The following PSMB3 variants were observed in gnomAD, a reference collection of about 807,000 sequenced individuals.
PSMB3 encodes the protein proteasome subunit beta type-3.
A neutral mutation model predicts 23.3 loss-of-function variants in PSMB3; 5 were observed. The observed-to-expected ratio is 0.21, with a 90% confidence interval of 0.11 to 0.45. PSMB3 has a LOEUF of 0.45. PSMB3 is among the 20% of genes least tolerant of loss of function. The probability of loss-of-function intolerance (pLI) is 0.99; values close to 1 mark genes in which losing one functional copy is unlikely to be tolerated. For missense variants in PSMB3, 192 were observed against 277.9 expected, an observed-to-expected ratio of 0.69 and a Z score of 2.20; for synonymous variants, 85 against 99.8, an observed-to-expected ratio of 0.85 and a Z score of 0.88.
At position 38,760,575 on chromosome 17, in the gene PSMB3, C is replaced by T. The variant is rs572205029; in HGVS notation, c.441C>T (p.Tyr147=). The change falls in exon 4 of 6, where the codon TAC becomes TAT. Residue 147 remains tyrosine (Y), a synonymous_variant. Coordinates refer to ENST00000619426, the MANE Select transcript of PSMB3 (RefSeq NM_002795.4). The part of the protein sequence containing the change: ...VVSGTCAEQM[Y]GMCESLWEPN... ...GTGGCACCTGCGCCGAACAAATGTA[C>T]GGAATGTGTGAGTCCCTCTGGGAGC... 2.1e-5 allele frequency: 34 copies of T among 1,614,226 alleles called. No homozygotes were observed. The highest frequency in any genetic ancestry group is 1.5e-4 in the Admixed American group (9 of 60,028).
At position 38,764,187 on chromosome 17, in the gene PSMB3, T is replaced by A. The variant is rs746045089; in HGVS notation, c.*20T>A. The A allele has an allele frequency of 2.5e-6, 4 of 1,607,010 alleles. No individual in the cohort carries two copies. In the South Asian group the frequency reaches 3.3e-5, roughly 13 times the overall value. ...GACTAACCCTGTTCCCAGAGCCCAC[T>A]TTTTTTTCTTTTTTTGAAATAAAAT... On this transcript the variant is annotated 3_prime_UTR_variant, in exon 6 of 6. Coordinates refer to ENST00000619426, the MANE Select transcript of PSMB3 (RefSeq NM_002795.4).
chr17:38,757,034 A>AT (rs35172699), intron 3 of PSMB3, among the ~76,000 whole-genome samples: 27,366 of 65,668 alleles, frequency 0.42, 8,630 homozygotes, highest in Middle Eastern at 0.54. Context: ...CACCTGGCTA[A>AT]TTTTTTTTTT....
At chr17:38,763,114 TG>T (rs1208703258) in intron 5 of PSMB3, among the ~76,000 whole-genome samples, 1 of 152,162 alleles carries the variant, frequency 6.6e-6, no homozygotes, top group Non-Finnish European at 1.5e-5. Context: ...CCCAGCACTT[TG>T]GGAGGCTGAG....
intron 1 of PSMB3, 141 bp from the exon 2 acceptor site, chr17:38,753,009 T>C: frequency 8.1e-7 from 1 of 1,240,182 alleles, no homozygotes; most frequent in Middle Eastern, 2.8e-4. Context: ...CACACAGTGC[T>C]CATCCCAGCT....
At chr17:38,758,342 TTTA>T (rs1204894972) in intron 3 of PSMB3, among the ~76,000 whole-genome samples, 1 of 151,894 alleles carries the variant, frequency 6.6e-6, no homozygotes, top group African/African-American at 2.4e-5. Flanking sequence ...TATTTTTTAT[TTTA>T]TTATTATTAT....
At chr17:38,757,544 T>A (rs536523693) in intron 3 of PSMB3, among the ~76,000 whole-genome samples, 1 of 151,596 alleles carries the variant, frequency 6.6e-6, no homozygotes, top group Admixed American at 6.6e-5. Flanking sequence ...AGGTCGGGCG[T>A]GGTGGCTCAT....
At chr17:38,762,222 T>G in intron 4 of PSMB3, 189 bp from the exon 5 acceptor site, 1 of 566,678 alleles carries the variant, frequency 1.8e-6, no homozygotes. Context: ...TCACTTTCCT[T>G]TACATAATTC....
chr17:38,753,476 TC>T, intron 2 of PSMB3, 142 bp downstream of exon 2: 1 of 812,266 alleles, frequency 1.2e-6, no homozygotes. Context: ...AACATGTCCT[TC>T]CCTTTCTTTT....
At position 38,752,945 on chromosome 17, in the gene PSMB3, C is replaced by T. The variant is rs1907998573; in HGVS notation, c.3+116C>T. ...TCGATGGAAGGAAGCGGTTTCAGTT[C>T]GAGGGGAGCGGGCCCCGGTGAGGAC... On this transcript the variant is annotated intron_variant, in intron 1 of 5. Coordinates refer to ENST00000619426, the MANE Select transcript of PSMB3 (RefSeq NM_002795.4). The surrounding 1 kb of genome is among the most constrained non-coding windows in gnomAD (Gnocchi z 5.5). 6.8e-7 allele frequency: 1 copy of T among 1,468,080 alleles called. No homozygotes were observed. The highest frequency in any genetic ancestry group is 1.4e-5 in the African/African-American group (1 of 71,620). 90.9% of individuals were successfully genotyped at this position (1,468,080 alleles called of 1,614,324 possible). A position where few individuals can be genotyped will look rare whatever the true frequency, so the allele number is the denominator to read the frequency against.
chr17:38,757,231 A>G (rs971707163), intron 3 of PSMB3, among the ~76,000 whole-genome samples: 4 of 150,742 alleles, frequency 2.7e-5, no homozygotes. Context: ...TGTATATTAA[A>G]TGGCTTGCTG....
Position 38,754,456 on chromosome 17 carries a change from C to T in PSMB3, c.188+1122C>T, listed in dbSNP as rs180780694. Among the ~76,000 whole-genome samples the T allele has an allele frequency of 1.2e-4, 19 of 152,118 alleles. 1 individual carries two copies. In the East Asian group the frequency reaches 2.9e-3, roughly 23 times the overall value. ...CTGCACTCTAGCCTGGGCAACAGAG[C>T]GAGACTCTGTCTCAAACAAAATAAA... On this transcript the variant is annotated intron_variant, in intron 2 of 5. Coordinates refer to ENST00000619426, the MANE Select transcript of PSMB3 (RefSeq NM_002795.4).
chr17:38,761,833 G>A (rs1908456127), intron 4 of PSMB3, among the ~76,000 whole-genome samples: 1 of 152,226 alleles, frequency 6.6e-6, no homozygotes, highest in Non-Finnish European at 1.5e-5. Context: ...GCCTGCAGGA[G>A]GCGCTGAGGT....
intron 2 of PSMB3, among the ~76,000 whole-genome samples, chr17:38,755,562 G>A (rs922680096): frequency 4.6e-5 from 7 of 151,002 alleles, no homozygotes; most frequent in Middle Eastern, 3.2e-3. Context: ...GGAGAATAGC[G>A]TGAACCCGGG....
chr17:38,758,826 C>T (rs1476552496), intron 3 of PSMB3, among the ~76,000 whole-genome samples: 1 of 152,174 alleles, frequency 6.6e-6, no homozygotes, highest in East Asian at 1.9e-4. Context: ...GTGGGTGGAT[C>T]ACAAGGTCAG....
chr17:38,762,599 G>A lies in PSMB3; in HGVS notation c.569+94G>A, dbSNP rs545352827. ...TACACCCCATTTTCCCAGCCCCCTG[G>A]TCAGGTGTGAGATAAGAAAGGTGCT... is the stretch of plus-strand genomic sequence containing the variant. On this transcript the variant is annotated intron_variant, in intron 5 of 5. Transcript: ENST00000619426. 771 of 1,242,630 alleles carry A rather than the reference G, an allele frequency of 6.2e-4. 2 individuals are homozygous for A. The highest frequency in any genetic ancestry group is 7.3e-4 in the Non-Finnish European group (628 of 857,330). The allele number at this position is 1,242,630 out of a possible 1,614,324, so 77.0% of individuals were successfully genotyped here. A position where few individuals can be genotyped will look rare whatever the true frequency, so the allele number is the denominator to read the frequency against.
chr17:38,755,489 C>CA (rs1359336087), intron 2 of PSMB3: 2 of 151,772 alleles, frequency 1.3e-5, no homozygotes, highest in Admixed American at 6.6e-5. Context: ...ACTAAAAATA[C>CA]AAAAAGTTAG....
chr17:38,759,047 A>G (rs1217583954), intron 3 of PSMB3, among the ~76,000 whole-genome samples: 1 of 152,038 alleles, frequency 6.6e-6, no homozygotes, highest in East Asian at 1.9e-4. Context: ...CTGTCTCAAA[A>G]AAAGAAAGAA....
At chr17:38,755,715 T>TGTGTGTGTGTGCGC (rs142685157) in intron 2 of PSMB3, among the ~76,000 whole-genome samples, 168 bp from the exon 3 acceptor site, 1 of 138,436 alleles carries the variant, frequency 7.2e-6, no homozygotes, top group Non-Finnish European at 1.5e-5. Context: ...TGTGTGTGTG[T>TGTGTGTGTGTGCGC]GCTGCCAAAG....
intron 3 of PSMB3, among the ~76,000 whole-genome samples, chr17:38,759,240 C>T (rs1490652208): frequency 2.0e-5 from 3 of 152,166 alleles, no homozygotes; most frequent in Admixed American, 2.0e-4. Context: ...GATGCAAATA[C>T]ACAAAACACT....
Sources: allele counts gnomAD v4.1 joint callset (sites outside exome capture counted in the v4.1 genomes callset), GRCh38; gene constraint gnomAD v4.1.1; non-coding constraint Gnocchi (gnomAD v3.1); transcripts MANE v1.5; gene names NCBI Gene and HGNC (gene_info 2026-07-23, HGNC 2026-07-21).